Variants in RTTN observed in about 807,000 individuals in gnomAD.
RTTN encodes rotatin.
A neutral mutation model predicts 269.2 loss-of-function variants in RTTN; 182 were observed. That is an observed-to-expected ratio of 0.68 (90% confidence interval 0.60 to 0.76). The LOEUF is 0.76. Among genes scored for constraint, RTTN ranks in the 30% least tolerant of loss-of-function variants. The pLI is 0.00. For missense variants in RTTN, 2,545 were observed against 2,608.6 expected (o/e 0.98, Z 0.53); for synonymous variants, 1,006 against 963.5 (o/e 1.04, Z -0.82).
chr18:70,074,936 A>T (rs1016882749), intron 33 of RTTN: 1 of 152,172 alleles, frequency 6.6e-6, no homozygotes, highest in Non-Finnish European at 1.5e-5. Context: ...ATTCACAAGA[A>T]GGATAAAAAA....
rs926816256 is a variant in RTTN, at chr18:70,055,855, G to A, written c.5032-1571C>T. On this transcript the variant is annotated intron_variant, in intron 37 of 48. Coordinates refer to ENST00000640769, the MANE Select transcript of RTTN (RefSeq NM_173630.4). ...TCTTAAAAAAAAATACCAACCAACT[G>A]ACCACAGACTTTAATCCATCATACC... Among the ~76,000 whole-genome samples the A allele has an allele frequency of 2.0e-5, 3 of 151,842 alleles. No homozygotes were observed. The East Asian group carries it at 5.8e-4, about 29-fold the overall frequency.
chr18:70,193,339 GTGC>G lies in RTTN; in HGVS notation c.953_955del (p.Arg318_Thr319delinsPro). ...GCCATCTCCTCTGGGTCGCTGGCCT[GTGC>G]GCCCAACCACAGAAGGCCGAGGGCT... On this transcript the variant is annotated inframe_deletion, in exon 8 of 49. Transcript: ENST00000640769. 2.5e-6 allele frequency: 4 copies of G among 1,610,854 alleles called. No homozygotes were observed. Among genetic ancestry groups the G allele is most frequent in the Non-Finnish European group, 3.4e-6 (4 of 1,178,466 alleles).
At chr18:70,047,887 A>C (rs2144774684) in intron 40 of RTTN, 84 bp downstream of exon 40, 1 of 1,023,282 alleles carries the variant, frequency 9.8e-7, no homozygotes, top group East Asian at 2.5e-5. Context: ...TAAATGACTG[A>C]GACAGTTTTT....
In RTTN at chr18:70,176,196, TGTAG is replaced by T. The variant is rs1372508273; in HGVS notation, c.1476+475_1476+478del. On this transcript the variant is annotated intron_variant, in intron 11 of 48. Transcript: ENST00000640769. ...ATGTATATGTATACGTAGATGTAGATGTAGATGTATATGTATATGTATATGTATA... is the reference window on the plus strand; with the variant it reads ...ATGTATATGTATACGTAGATGTAGATATGTATATGTATATGTATATGTATA... 9.0e-3 allele frequency among the ~76,000 whole-genome samples: 1,175 copies of T among 131,242 alleles called. 8 individuals are homozygous for T. Among genetic ancestry groups the T allele is most frequent in the Non-Finnish European group, 0.014 (867 of 64,220 alleles). 86.1% of individuals were successfully genotyped at this position (131,242 alleles called of 152,430 possible).
At chr18:70,180,804 T>C (rs778451247) in intron 10 of RTTN, among the ~76,000 whole-genome samples, 1 of 152,228 alleles carries the variant, frequency 6.6e-6, no homozygotes, top group Non-Finnish European at 1.5e-5. Context: ...GTAAGTGCTA[T>C]ATTTAAACTA....
At chr18:70,179,849 T>C (rs1468380200) in intron 10 of RTTN, among the ~76,000 whole-genome samples, 1 of 152,148 alleles carries the variant, frequency 6.6e-6, no homozygotes, top group Non-Finnish European at 1.5e-5. Context: ...CCAGTCACGG[T>C]TCCTCCTGCC....
intron 4 of RTTN, among the ~76,000 whole-genome samples, chr18:70,200,029 G>C (rs1180761455): frequency 6.6e-6 from 1 of 152,208 alleles, no homozygotes; most frequent in Non-Finnish European, 1.5e-5. Context: ...AAGATTAAAA[G>C]AAATCTGAGA....
intron 11 of RTTN, among the ~76,000 whole-genome samples, chr18:70,175,045 C>CAAAAAAAAAAAAAAAAAAAAAAAAA (rs5825998): frequency 1.0e-4 from 9 of 86,822 alleles, no homozygotes; most frequent in African/African-American, 1.8e-4. Context: ...AAACCAAAAC[C>CAAAAAAAAAAAAAAAAAAAAAAAAA]AAAAAAAAAA....
intron 34 of RTTN, among the ~76,000 whole-genome samples, chr18:70,068,566 C>T (rs1335390577): frequency 1.3e-5 from 2 of 152,208 alleles, no homozygotes; most frequent in Non-Finnish European, 2.9e-5. Context: ...AGACTAACTT[C>T]AGCTGCCCCA....
At chr18:70,155,615 G>T (rs990445392) in intron 14 of RTTN, among the ~76,000 whole-genome samples, 17 of 152,174 alleles carry the variant, frequency 1.1e-4, no homozygotes, top group Admixed American at 1.0e-3. Context: ...AGTTGCAAGG[G>T]AGAACTGCCC....
chr18:70,088,633 C>T (rs1326409175), intron 30 of RTTN, among the ~76,000 whole-genome samples: 3 of 152,156 alleles, frequency 2.0e-5, no homozygotes, highest in African/African-American at 7.2e-5. Flanking sequence ...GAAAAACGTT[C>T]CCAAATAAGA....
intron 14 of RTTN, among the ~76,000 whole-genome samples, chr18:70,157,022 C>T (rs1163965302): frequency 6.6e-6 from 1 of 152,142 alleles, no homozygotes; most frequent in Non-Finnish European, 1.5e-5. Context: ...AGGTCTTTTG[C>T]CAACAGCCTC....
chr18:70,148,141 G>A lies in RTTN; in HGVS notation c.2309+760C>T, dbSNP rs62089129. Among the ~76,000 whole-genome samples, 397 of 152,196 alleles carry A rather than the reference G, an allele frequency of 2.6e-3. 3 individuals carry two copies. Among genetic ancestry groups the A allele is most frequent in the Non-Finnish European group, 4.4e-3 (302 of 67,998 alleles). On this transcript the variant is annotated intron_variant, in intron 17 of 48. Transcript: ENST00000640769. ...AAGCTGCTGTATTTTCCTGATGTAA[G>A]GTTTGGGAAACACAAATTATCCATT...
intron 32 of RTTN, among the ~76,000 whole-genome samples, chr18:70,081,967 G>C (rs2058580374): frequency 6.6e-6 from 1 of 152,130 alleles, no homozygotes; most frequent in Non-Finnish European, 1.5e-5. Flanking sequence ...GAAGACACTA[G>C]ACAGAGCTGA....
chr18:70,065,269 T>TA, intron 35 of RTTN, among the ~76,000 whole-genome samples: 2 of 32,806 alleles, frequency 6.1e-5, no homozygotes, highest in Non-Finnish European at 3.6e-4. Flanking sequence ...TCTCTAGAAT[T>TA]TAAAAAAAAA....
intron 43 of RTTN, 141 bp downstream of exon 43, chr18:70,028,583 G>C (rs901682355): frequency 1.9e-6 from 1 of 527,178 alleles, no homozygotes. Flanking sequence ...AATTAACACT[G>C]AGTTTAAGGA....
At chr18:70,055,651 T>C (rs1280605538) in intron 37 of RTTN, among the ~76,000 whole-genome samples, 1 of 152,194 alleles carries the variant, frequency 6.6e-6, no homozygotes, top group Admixed American at 6.5e-5. Flanking sequence ...GTCTGACCTC[T>C]GGATGTATGA....
At chr18:70,141,001 G>GC (rs1482334752) in intron 19 of RTTN, among the ~76,000 whole-genome samples, 1 of 151,714 alleles carries the variant, frequency 6.6e-6, no homozygotes, top group Admixed American at 6.6e-5. Flanking sequence ...AATTTCCATT[G>GC]CCCCCCAATA....
Position 70,057,976 on chromosome 18 carries a change from A to ATC in RTTN, c.4941-145_4941-144insGA, listed in dbSNP as rs1599318097. 1.9e-5 allele frequency: 11 copies of ATC among 575,794 alleles called. No individual in the cohort carries two copies. In the East Asian group the frequency reaches 3.3e-4, roughly 17 times the overall value. 35.7% of individuals were successfully genotyped at this position (575,794 alleles called of 1,614,324 possible). A position where few individuals can be genotyped will look rare whatever the true frequency, so the allele number is the denominator to read the frequency against. ...TATAAGCAAAGAAAATGTTTATAAA[A>ATC]AGATATCTCAAAGAATTTCAAATTG... On this transcript the variant is annotated intron_variant, in intron 36 of 48. Coordinates refer to ENST00000640769, the MANE Select transcript of RTTN (RefSeq NM_173630.4).
Sources: allele counts gnomAD v4.1 joint callset (sites outside exome capture counted in the v4.1 genomes callset), GRCh38; gene constraint gnomAD v4.1.1; transcripts MANE v1.5; gene names NCBI Gene and HGNC (gene_info 2026-07-23, HGNC 2026-07-21).